Variants in PEBP4 observed in about 807,000 individuals in gnomAD.
The protein encoded by PEBP4 is phosphatidylethanolamine binding protein 4, also known as phosphatidylethanolamine-binding protein 4.
Under a neutral mutation model 23.9 loss-of-function variants are expected in PEBP4, and 22 were observed. That is an observed-to-expected ratio of 0.92 (90% CI 0.66 to 1.31). The LOEUF is 1.31. Ranked by LOEUF, PEBP4 falls within the 40% of genes most tolerant of loss-of-function variation. PEBP4 has a pLI of 0.00. For missense variants in PEBP4, 324 were observed against 281.7 expected (o/e 1.15, Z -1.07); for synonymous variants, 112 against 99.3 (o/e 1.13, Z -0.76).
At chr8:22,920,517 T>C (rs1809178075) in intron 2 of PEBP4, among the ~76,000 whole-genome samples, 3 of 152,112 alleles carry the variant, frequency 2.0e-5, no homozygotes, top group Admixed American at 2.0e-4. Context: ...TAATAATTCC[T>C]CCCTCATGGA....
chr8:22,746,086 AG>A (rs1480338520), intron 4 of PEBP4, among the ~76,000 whole-genome samples: 1 of 151,958 alleles, frequency 6.6e-6, no homozygotes, highest in African/African-American at 2.4e-5. Flanking sequence ...ATCTCGTGGC[AG>A]GAGAAGCCTT....
chr8:22,741,364 G>A (rs764703038), intron 4 of PEBP4, among the ~76,000 whole-genome samples: 1 of 152,196 alleles, frequency 6.6e-6, no homozygotes, highest in Admixed American at 6.5e-5. Flanking sequence ...GGGCCTGCTG[G>A]GGTCCAAGGC....
At chr8:22,898,303 AGTTGCTTGGACCTGGAAGGCAGAG>A (rs1808630746) in intron 3 of PEBP4, among the ~76,000 whole-genome samples, 1 of 144,246 alleles carries the variant, frequency 6.9e-6, no homozygotes, top group Admixed American at 7.4e-5. Context: ...GAGGTGGGAG[AGTTGCTTGGACCTGGAAGGCAGAG>A]GTTGCAGTGA....
chr8:22,728,026 G>T (rs1804652218), intron 4 of PEBP4, among the ~76,000 whole-genome samples: 1 of 152,212 alleles, frequency 6.6e-6, no homozygotes, highest in East Asian at 1.9e-4. Context: ...CCATGCCAGG[G>T]AGCCCCAAGG....
chr8:22,774,595 G>A (rs576747441), intron 4 of PEBP4, among the ~76,000 whole-genome samples: 1 of 152,184 alleles, frequency 6.6e-6, no homozygotes, highest in African/African-American at 2.4e-5. Context: ...TCACCGATGG[G>A]GGGTAGGGGC....
chr8:22,924,234 T>G (rs1809276228), intron 2 of PEBP4, among the ~76,000 whole-genome samples: 2 of 151,936 alleles, frequency 1.3e-5, no homozygotes, highest in South Asian at 4.2e-4. Flanking sequence ...TGTGGTGGCG[T>G]GCACCTGTAG....
At chr8:22,732,377 G>A (rs1172924257) in intron 4 of PEBP4, among the ~76,000 whole-genome samples, 2 of 152,088 alleles carry the variant, frequency 1.3e-5, no homozygotes, top group African/African-American at 4.8e-5. Flanking sequence ...ACACAGGGAG[G>A]GGAACAACAC....
chr8:22,718,201 G>C (rs1285362378), intron 6 of PEBP4, among the ~76,000 whole-genome samples: 2 of 152,126 alleles, frequency 1.3e-5, no homozygotes, highest in African/African-American at 4.8e-5. Context: ...GTCTCCTCTG[G>C]AGAGAGGACC....
intron 4 of PEBP4, among the ~76,000 whole-genome samples, chr8:22,774,953 A>G (rs1306738873): frequency 6.6e-6 from 1 of 151,964 alleles, no homozygotes; most frequent in Non-Finnish European, 1.5e-5. Flanking sequence ...CTTCCCCAGG[A>G]GCCCCTCTTT....
chr8:22,933,400 A>AG (rs1766100704), intron 1 of PEBP4, among the ~76,000 whole-genome samples: 1 of 152,254 alleles, frequency 6.6e-6, no homozygotes. Context: ...CCAAAGACAA[A>AG]GAGAGAATTT....
intron 3 of PEBP4, among the ~76,000 whole-genome samples, chr8:22,878,569 G>C (rs565275740): frequency 6.6e-6 from 1 of 152,198 alleles, no homozygotes; most frequent in Non-Finnish European, 1.5e-5. Context: ...GCAGACAGGT[G>C]GGGAGGGCTT....
chr8:22,813,021 C>CA (rs1235732609), intron 4 of PEBP4, among the ~76,000 whole-genome samples: 2 of 152,200 alleles, frequency 1.3e-5, no homozygotes, highest in African/African-American at 2.4e-5. Flanking sequence ...AGTGTCCTGG[C>CA]ATGTGCTACC....
At chr8:22,740,413 A>G (rs1179646924) in intron 4 of PEBP4, among the ~76,000 whole-genome samples, 1 of 152,210 alleles carries the variant, frequency 6.6e-6, no homozygotes, top group Non-Finnish European at 1.5e-5. Flanking sequence ...CTTATCAGAA[A>G]TGCAGAATCT....
intron 3 of PEBP4, among the ~76,000 whole-genome samples, chr8:22,842,688 A>G (rs566320683): frequency 4.6e-5 from 7 of 152,276 alleles, no homozygotes; most frequent in Admixed American, 2.6e-4. Flanking sequence ...TCCTACTGCC[A>G]TAAGACGCAG....
intron 4 of PEBP4, among the ~76,000 whole-genome samples, chr8:22,787,959 G>A (rs1173762241): frequency 6.6e-6 from 1 of 152,176 alleles, no homozygotes; most frequent in African/African-American, 2.4e-5. Context: ...ACGCGTTGTG[G>A]ATGGGCCTAC....
chr8:22,718,821 C>T (rs541970332), intron 6 of PEBP4, among the ~76,000 whole-genome samples: 7 of 152,232 alleles, frequency 4.6e-5, no homozygotes, highest in East Asian at 1.9e-4. Flanking sequence ...CCAGGCAGGG[C>T]CCCCTTTCCT....
At chr8:22,795,982 A>T (rs988396946) in intron 4 of PEBP4, among the ~76,000 whole-genome samples, 4 of 152,182 alleles carry the variant, frequency 2.6e-5, no homozygotes, top group African/African-American at 7.2e-5. Flanking sequence ...TCTGTGGTTA[A>T]GAGGTTGATA....
chr8:22,768,730 G>T (rs977859843), intron 4 of PEBP4, among the ~76,000 whole-genome samples: 1 of 152,130 alleles, frequency 6.6e-6, no homozygotes, highest in African/African-American at 2.4e-5. Context: ...GGCAGGATGG[G>T]GAGAGGAGTG....
At chr8:22,926,651 G>A (rs185564631) in intron 2 of PEBP4, among the ~76,000 whole-genome samples, 7 of 152,278 alleles carry the variant, frequency 4.6e-5, no homozygotes, top group African/African-American at 1.7e-4. Context: ...CAACAAAAAT[G>A]TTACTTTTTA....
Sources: gnomAD v4.1 joint callset for allele counts (sites outside exome capture counted in the v4.1 genomes callset) on GRCh38, gnomAD v4.1.1 for gene constraint, MANE v1.5 for transcripts, NCBI Gene and HGNC (gene_info 2026-07-23, HGNC 2026-07-21) for gene names.